The following PLN variants were observed in gnomAD, a reference collection of about 807,000 sequenced individuals.
PLN encodes the protein phospholamban.
PLN carries 1 observed loss-of-function variant against 3.9 expected under a neutral mutation model. The observed-to-expected ratio is 0.26, with a 90% CI of 0.09 to 1.23. The LOEUF is 1.23. Ranked by LOEUF, PLN falls within the 50% of genes most tolerant of loss-of-function variation. PLN has a pLI of 0.48. For synonymous variants in PLN, 21 were observed against 20.5 expected (o/e 1.02, Z -0.07); for missense variants, 59 against 62.7 (o/e 0.94, Z 0.20).
At chr6:118,558,579 TCAA>T (rs1341421143) in intron 1 of PLN, among the ~76,000 whole-genome samples, 1 of 134,896 alleles carries the variant, frequency 7.4e-6, no homozygotes, top group Non-Finnish European at 1.6e-5. Flanking sequence ...GTGTGCCCCA[TCAA>T]AAAAGGAGAG....
At position 118,558,853 on chromosome 6, in the gene PLN, A is replaced by G. The variant is rs1224853114; in HGVS notation, c.-69A>G. ...ACCTAAAAGAAGACAGTTATCTCAT[A>G]TTTGGCTGCCAGCTTTTTATCTTTC... On this transcript the variant is annotated 5_prime_UTR_variant, in exon 2 of 2. It adds an upstream start codon to the 5' untranslated region. Coordinates refer to ENST00000357525, the MANE Select transcript of PLN (RefSeq NM_002667.5). 1.8e-6 allele frequency: 2 copies of G among 1,121,940 alleles called. No homozygotes were observed. The highest frequency in any genetic ancestry group is 1.9e-4 in the Middle Eastern group (1 of 5,158). 69.5% of individuals were successfully genotyped at this position (1,121,940 alleles called of 1,614,324 possible). A position where few individuals can be genotyped will look rare whatever the true frequency, so the allele number is the denominator to read the frequency against.
intron 1 of PLN, among the ~76,000 whole-genome samples, chr6:118,558,504 A>G (rs990790701): frequency 7.2e-5 from 11 of 152,062 alleles, no homozygotes; most frequent in Admixed American, 2.0e-4. Flanking sequence ...CAATACTTGT[A>G]GTAAATTTGG....
At chr6:118,550,535 G>A (rs1373840236) in intron 1 of PLN, among the ~76,000 whole-genome samples, 3 of 151,576 alleles carry the variant, frequency 2.0e-5, no homozygotes, top group Non-Finnish European at 4.4e-5. Context: ...ATTTCATTTG[G>A]TCCTCTTAAT....
chr6:118,548,896 TAC>T (rs1778367903), intron 1 of PLN, among the ~76,000 whole-genome samples: 1 of 151,992 alleles, frequency 6.6e-6, no homozygotes, highest in African/African-American at 2.4e-5. Context: ...CATAATTTCA[TAC>T]AGTGAATAAT....
At chr6:118,549,203 G>A (rs1778389513) in intron 1 of PLN, among the ~76,000 whole-genome samples, 1 of 151,800 alleles carries the variant, frequency 6.6e-6, no homozygotes, top group Non-Finnish European at 1.5e-5. Context: ...TTGATTAAAT[G>A]GATTTCTGCC....
chr6:118,556,130 C>T (rs753323236), intron 1 of PLN, among the ~76,000 whole-genome samples: 7 of 152,208 alleles, frequency 4.6e-5, no homozygotes, highest in South Asian at 4.1e-4. Context: ...TATGTCTTTA[C>T]GGCAGAAAGA....
chr6:118,550,395 A>T (rs1301417055), intron 1 of PLN, among the ~76,000 whole-genome samples: 22 of 151,828 alleles, frequency 1.4e-4, no homozygotes, highest in Non-Finnish European at 1.5e-5. Flanking sequence ...ATTTTTAATT[A>T]AAAAACCTAA....
intron 1 of PLN, among the ~76,000 whole-genome samples, chr6:118,556,975 C>G (rs1242446346): frequency 6.6e-6 from 1 of 152,016 alleles, no homozygotes; most frequent in African/African-American, 2.4e-5. Flanking sequence ...CTTGTGGGAT[C>G]TCTGAAAGAA....
intron 1 of PLN, 33 bp from the exon 2 acceptor site, chr6:118,558,792 G>T: frequency 1.4e-6 from 1 of 720,626 alleles, no homozygotes; most frequent in Non-Finnish European, 2.5e-6. Flanking sequence ...TTACATAGAT[G>T]ATTCTAATCC....
At position 118,559,015 on chromosome 6, in the gene PLN, T is replaced by C. The variant is rs1489656774; in HGVS notation, c.94T>C (p.Phe32Leu). The change falls in exon 2 of 2, where the codon TTT becomes CTT. Residue 32 changes from phenylalanine (F) to leucine (L), a missense_variant. By Grantham distance (22) the Phe-to-Leu change is conservative (BLOSUM62 0). Transcript: ENST00000357525. ...QQARQKLQNL[F>L]INFCLILICL... is the part of the protein sequence containing the mutation. ...AGCACGTCAAAAGCTACAGAATCTA[T>C]TTATCAATTTCTGTCTCATCTTAAT... The C allele has an allele frequency of 1.2e-6, 2 of 1,605,468 alleles. No homozygotes were observed. Among genetic ancestry groups the C allele is most frequent in the South Asian group, 2.2e-5 (2 of 90,898 alleles).
chr6:118,552,097 T>C lies in PLN; in HGVS notation c.-98+3705T>C, dbSNP rs534769732. ...ATTCTAATCTTCTAAACCAATTAGATGGAAAAAACATCCTAGAGTATATCA... is the reference window on the plus strand; with the variant it reads ...ATTCTAATCTTCTAAACCAATTAGACGGAAAAAACATCCTAGAGTATATCA... On this transcript the variant is annotated intron_variant, in intron 1 of 1. Transcript: ENST00000357525. Among the ~76,000 whole-genome samples the C allele has an allele frequency of 4.6e-5, 7 of 152,128 alleles. No individual in the cohort carries two copies. The South Asian group carries it at 1.4e-3, about 32-fold the overall frequency.
At chr6:118,549,772 C>T (rs1248235006) in intron 1 of PLN, among the ~76,000 whole-genome samples, 1 of 151,724 alleles carries the variant, frequency 6.6e-6, no homozygotes, top group African/African-American at 2.4e-5. Flanking sequence ...ATTGGGTGTT[C>T]ACGAGTTATT....
At chr6:118,551,272 G>T (rs1778526803) in intron 1 of PLN, among the ~76,000 whole-genome samples, 1 of 151,588 alleles carries the variant, frequency 6.6e-6, no homozygotes, top group Non-Finnish European at 1.5e-5. Context: ...GTCAACTGAG[G>T]ACCTCTAGTG....
At position 118,558,644 on chromosome 6, in the gene PLN, CACACACACACACACACAGAGAG is replaced by C. The variant is rs1210543511; in HGVS notation, c.-97-179_-97-158del. Among the ~76,000 whole-genome samples the C allele has an allele frequency of 2.8e-5, 4 of 141,982 alleles. No individual in the cohort carries two copies. The East Asian group carries it at 5.9e-4, about 21-fold the overall frequency. 93.1% of individuals were successfully genotyped at this position (141,982 alleles called of 152,430 possible). A position where few individuals can be genotyped will look rare whatever the true frequency, so the allele number is the denominator to read the frequency against. On this transcript the variant is annotated intron_variant, in intron 1 of 1. Coordinates refer to ENST00000357525, the MANE Select transcript of PLN (RefSeq NM_002667.5). ...GTGCACATACACACACACACACACA[CACACACACACACACACAGAGAG>C]AGAGAGAGAGAGAGAGAGAGAGGGA...
rs543098756 is a variant in PLN at position 118,555,818 on chromosome 6, T to C, written c.-97-3007T>C. On this transcript the variant is annotated intron_variant, in intron 1 of 1. Coordinates refer to ENST00000357525, the MANE Select transcript of PLN (RefSeq NM_002667.5). ...CCTCCTCCCATCCTCCCCGCTCAAG[T>C]AGACCCCAGCGTCTGTTGTTTCCTT... 2.1e-3 allele frequency among the ~76,000 whole-genome samples: 324 copies of C among 151,368 alleles called. 1 individual carries two copies. The highest frequency in any genetic ancestry group is 3.1e-3 in the Non-Finnish European group (209 of 68,004).
At chr6:118,548,495 A>G (rs920826020) in intron 1 of PLN, 103 bp downstream of exon 1, 1 of 152,122 alleles carries the variant, frequency 6.6e-6, no homozygotes, top group Admixed American at 6.6e-5. Flanking sequence ...AATTTTATGA[A>G]TATCAGTTCA....
At chr6:118,553,117 C>T (rs181697562) in intron 1 of PLN, among the ~76,000 whole-genome samples, 1 of 151,546 alleles carries the variant, frequency 6.6e-6, no homozygotes, top group East Asian at 1.9e-4. Context: ...TAACAGAATG[C>T]TCTAAAAAGA....
In PLN at chr6:118,559,508, G is replaced by A; in HGVS notation, c.*428G>A. The A allele has an allele frequency of 4.8e-6, 1 of 207,772 alleles. No individual in the cohort carries two copies. Among genetic ancestry groups the A allele is most frequent in the Non-Finnish European group, 1.1e-5 (1 of 92,162 alleles). The allele number at this position is 207,772 out of a possible 1,614,324, so 12.9% of individuals were successfully genotyped here. ...CTTCTTTAATACTAAGTATTTTTCAGGTCTTCACCAAGTATCAAAGTAATA... is the reference window on the plus strand; with the variant it reads ...CTTCTTTAATACTAAGTATTTTTCAAGTCTTCACCAAGTATCAAAGTAATA... On this transcript the variant is annotated 3_prime_UTR_variant, in exon 2 of 2. Coordinates refer to ENST00000357525, the MANE Select transcript of PLN (RefSeq NM_002667.5).
At chr6:118,550,157 G>C (rs893756975) in intron 1 of PLN, among the ~76,000 whole-genome samples, 2 of 151,890 alleles carry the variant, frequency 1.3e-5, no homozygotes, top group Non-Finnish European at 3.0e-5. Context: ...ACTAAAAGGC[G>C]TGACAGCACT....
Sources: allele counts gnomAD v4.1 joint callset (sites outside exome capture counted in the v4.1 genomes callset), GRCh38; gene constraint gnomAD v4.1.1; transcripts MANE v1.5; gene names NCBI Gene and HGNC (gene_info 2026-07-23, HGNC 2026-07-21).